Variants in EYS observed in about 807,000 individuals in gnomAD.
The protein encoded by EYS is protein eyes shut homolog.
A neutral mutation model predicts 282.1 loss-of-function variants in EYS; 250 were observed. The observed-to-expected ratio is 0.89, with a 90% confidence interval of 0.80 to 0.98. The LOEUF (loss-of-function observed/expected upper bound fraction) is 0.98, where lower values mean the gene tolerates loss of function less well. EYS is among the 50% of genes least tolerant of loss of function. The pLI, the probability that EYS is intolerant of heterozygous loss-of-function variation, is 0.00. For synonymous variants in EYS, 1,355 were observed against 1,282.9 expected (o/e 1.06, Z -1.20); for missense variants, 4,016 against 3,709.0 (o/e 1.08, Z -2.15).
At chr6:64,695,932 T>G (rs1484809058) in intron 22 of EYS, among the ~76,000 whole-genome samples, 1 of 152,152 alleles carries the variant, frequency 6.6e-6, no homozygotes, top group African/African-American at 2.4e-5. Context: ...ATCAATGTCA[T>G]AATACTGGAA....
At chr6:65,542,271 A>C (rs75505197) in intron 2 of EYS, among the ~76,000 whole-genome samples, 5,725 of 152,238 alleles carry the variant, frequency 0.038, 276 homozygotes, top group African/African-American at 0.11. Context: ...TATAGTAGGC[A>C]TCTATCTTCC....
At chr6:63,887,521 G>A (rs547474406) in intron 35 of EYS, among the ~76,000 whole-genome samples, 1 of 152,116 alleles carries the variant, frequency 6.6e-6, no homozygotes, top group Non-Finnish European at 1.5e-5. Flanking sequence ...CAGAATCAGG[G>A]AGGGGTGTCC....
chr6:64,683,747 T>C (rs912662464), intron 22 of EYS, among the ~76,000 whole-genome samples: 1 of 152,188 alleles, frequency 6.6e-6, no homozygotes, highest in African/African-American at 2.4e-5. Context: ...AACTTAGGCA[T>C]GTTAGCTCAA....
At chr6:64,372,157 T>G (rs992809632) in intron 29 of EYS, among the ~76,000 whole-genome samples, 4 of 93,322 alleles carry the variant, frequency 4.3e-5, no homozygotes, top group Admixed American at 1.2e-4. Flanking sequence ...TTTTTTTTTT[T>G]TTTGTAGTGG....
chr6:65,646,612 A>G (rs1209219940), intron 1 of EYS, among the ~76,000 whole-genome samples: 1 of 152,204 alleles, frequency 6.6e-6, no homozygotes, highest in Non-Finnish European at 1.5e-5. Context: ...GAGAACCAGA[A>G]CACGACTAGC....
At chr6:64,056,417 A>T (rs1264926959) in intron 33 of EYS, among the ~76,000 whole-genome samples, 2 of 152,176 alleles carry the variant, frequency 1.3e-5, no homozygotes, top group East Asian at 3.9e-4. Flanking sequence ...CATCAATCCA[A>T]GACTTTACTT....
At chr6:65,518,586 T>A (rs1360677328) in intron 2 of EYS, among the ~76,000 whole-genome samples, 3 of 152,188 alleles carry the variant, frequency 2.0e-5, no homozygotes, top group Non-Finnish European at 4.4e-5. Flanking sequence ...AATTGTGGTA[T>A]CATCTTAAAA....
rs1239938988 is a variant in EYS at position 63,791,589 on chromosome 6, A to AG, written c.7412-2366_7412-2365insC. Among the ~76,000 whole-genome samples the AG allele has an allele frequency of 4.6e-5, 7 of 151,934 alleles. No homozygotes were observed. In the South Asian group the frequency reaches 8.3e-4, roughly 18 times the overall value. Reference sequence around the variant, plus strand: ...CGAGACTCCCTCTCAAAAAAAAAAAAAAAAAAAGAAGAAGAACTGCTGGGA... The same window carrying AG: ...CGAGACTCCCTCTCAAAAAAAAAAAAGAAAAAAAGAAGAAGAACTGCTGGGA... On this transcript the variant is annotated intron_variant, in intron 37 of 42. Coordinates refer to ENST00000503581, the MANE Select transcript of EYS (RefSeq NM_001142800.2).
chr6:64,983,047 A>G (rs576955073), intron 14 of EYS, among the ~76,000 whole-genome samples: 1 of 151,292 alleles, frequency 6.6e-6, no homozygotes, highest in East Asian at 1.9e-4. Context: ...AACGGTTCTT[A>G]TTTTATAACA....
chr6:64,861,512 C>T (rs1214391112), intron 19 of EYS, among the ~76,000 whole-genome samples: 1 of 152,140 alleles, frequency 6.6e-6, no homozygotes, highest in Non-Finnish European at 1.5e-5. Context: ...CTCCTGACTG[C>T]TCCCAGCCCC....
At chr6:64,017,004 C>A (rs1768925083) in intron 33 of EYS, among the ~76,000 whole-genome samples, 1 of 151,936 alleles carries the variant, frequency 6.6e-6, no homozygotes, top group Non-Finnish European at 1.5e-5. Flanking sequence ...CCATCAATTG[C>A]ACTCCGCATG....
chr6:65,500,262 G>T (rs1347542968), intron 2 of EYS, among the ~76,000 whole-genome samples: 1 of 151,980 alleles, frequency 6.6e-6, no homozygotes, highest in Non-Finnish European at 1.5e-5. Flanking sequence ...AAACAAAGCG[G>T]CTGAGGCAAA....
chr6:65,186,731 C>A (rs188943102), intron 12 of EYS, among the ~76,000 whole-genome samples: 1 of 151,618 alleles, frequency 6.6e-6, no homozygotes, highest in Admixed American at 6.6e-5. Context: ...AGAACGGTGT[C>A]GCCTCTTAGG....
At chr6:64,353,345 A>G (rs952900732) in intron 29 of EYS, among the ~76,000 whole-genome samples, 6 of 151,572 alleles carry the variant, frequency 4.0e-5, no homozygotes, top group Non-Finnish European at 1.5e-5. Flanking sequence ...TGTGAGCACT[A>G]AAACATTTAA....
chr6:65,438,552 A>C (rs1302511460), intron 5 of EYS, among the ~76,000 whole-genome samples: 1 of 152,128 alleles, frequency 6.6e-6, no homozygotes, highest in Non-Finnish European at 1.5e-5. Flanking sequence ...CGCCATTCTA[A>C]CTGGTGTGAG....
At chr6:65,003,817 C>A (rs1771545888) in intron 13 of EYS, among the ~76,000 whole-genome samples, 1 of 147,278 alleles carries the variant, frequency 6.8e-6, no homozygotes, top group African/African-American at 2.4e-5. Context: ...GAGATAAAAC[C>A]AAATAAGATA....
At chr6:64,299,209 AC>A (rs1338603153) in intron 30 of EYS, among the ~76,000 whole-genome samples, 2 of 152,206 alleles carry the variant, frequency 1.3e-5, no homozygotes, top group Non-Finnish European at 2.9e-5. Context: ...CCTAAGACCA[AC>A]CTTTGATCAT....
chr6:65,639,250 G>A (rs1307165186), intron 2 of EYS, among the ~76,000 whole-genome samples: 1 of 152,052 alleles, frequency 6.6e-6, no homozygotes, highest in African/African-American at 2.4e-5. Flanking sequence ...AGTGGAAGGA[G>A]GAGTAGAGAA....
At chr6:65,699,191 TTC>T (rs1205851189) in intron 1 of EYS, among the ~76,000 whole-genome samples, 3 of 152,184 alleles carry the variant, frequency 2.0e-5, no homozygotes, top group Admixed American at 2.0e-4. Context: ...ACGTCTATAT[TTC>T]TGTTTTATTA....
Sources: allele counts gnomAD v4.1 joint callset (sites outside exome capture counted in the v4.1 genomes callset), GRCh38; gene constraint gnomAD v4.1.1; transcripts MANE v1.5; gene names NCBI Gene and HGNC (gene_info 2026-07-23, HGNC 2026-07-21).